The following SYT13 variants were observed in gnomAD, a reference collection of about 807,000 sequenced individuals.
The protein encoded by SYT13 is synaptotagmin 13.
A neutral mutation model predicts 38.6 loss-of-function variants in SYT13; 21 were observed. The observed-to-expected ratio is 0.54, with a 90% CI of 0.39 to 0.78. The LOEUF is 0.78. Ranked by LOEUF, SYT13 falls within the 30% of genes least tolerant of loss-of-function variation. The pLI is 0.00. For synonymous variants in SYT13, 241 were observed against 237.6 expected (o/e 1.01, Z -0.13); for missense variants, 495 against 548.7 (o/e 0.90, Z 0.98).
intron 1 of SYT13, among the ~76,000 whole-genome samples, chr11:45,281,195 C>CA (rs35172528): frequency 0.34 from 48,264 of 143,712 alleles, 7,818 homozygotes; most frequent in South Asian, 0.41. Flanking sequence ...GACTCTGTCT[C>CA]AAAAAAAAAA....
At chr11:45,246,286 T>A in intron 5 of SYT13, 97 bp downstream of exon 5, 3 of 1,530,736 alleles carry the variant, frequency 2.0e-6, no homozygotes, top group Non-Finnish European at 2.6e-6. Flanking sequence ...TCCACCTCCC[T>A]GCTTACCTGT....
intron 1 of SYT13, among the ~76,000 whole-genome samples, chr11:45,257,017 A>G (rs902270791): frequency 2.6e-5 from 4 of 152,186 alleles, no homozygotes; most frequent in African/African-American, 4.8e-5. Flanking sequence ...GCCATATTGA[A>G]TGGTTTGTGC....
At chr11:45,283,379 C>A (rs1005994846) in intron 1 of SYT13, among the ~76,000 whole-genome samples, 2 of 152,200 alleles carry the variant, frequency 1.3e-5, no homozygotes, top group African/African-American at 4.8e-5. Context: ...AGCCTCCATA[C>A]CTTCTTTCCT....
At chr11:45,280,209 G>A (rs1299179237) in intron 1 of SYT13, among the ~76,000 whole-genome samples, 2 of 152,200 alleles carry the variant, frequency 1.3e-5, no homozygotes, top group Non-Finnish European at 2.9e-5. Context: ...CGTTGCTCTA[G>A]AGGACTAAGG....
At position 45,255,650 on chromosome 11, in the gene SYT13, G is replaced by A. The variant is rs926721088; in HGVS notation, c.409+16C>T. ...GAGTGCTGCCCATGGAAGTGCAGGG[G>A]GCAGGAGACCCCTACCATTCTGAGG... On this transcript the variant is annotated intron_variant, in intron 2 of 5. Transcript: ENST00000020926. The A allele has an allele frequency of 6.2e-7, 1 of 1,610,832 alleles. No individual in the cohort carries two copies. Among genetic ancestry groups the A allele is most frequent in the East Asian group, 2.2e-5 (1 of 44,846 alleles).
chr11:45,278,899 C>T (rs1855040231), intron 1 of SYT13, among the ~76,000 whole-genome samples: 1 of 152,308 alleles, frequency 6.6e-6, no homozygotes, highest in African/African-American at 2.4e-5. Flanking sequence ...TTCCACGTTG[C>T]TAAGCAACCA....
At chr11:45,277,819 A>C (rs11038375) in intron 1 of SYT13, among the ~76,000 whole-genome samples, 12,124 of 152,154 alleles carry the variant, frequency 0.08, 1,259 homozygotes, top group African/African-American at 0.24. Context: ...TTACAAAGCA[A>C]CAGAACCTTC....
Position 45,278,228 on chromosome 11 carries a change from C to G in SYT13, c.183+7797G>C, listed in dbSNP as rs1358494405. Reference sequence around the variant, plus strand: ...CCTCCATCCTCAGAGCAGATTTTCCCTTTGTTTCTTAGCAAGAAATAAGCC... The same window carrying G: ...CCTCCATCCTCAGAGCAGATTTTCCGTTTGTTTCTTAGCAAGAAATAAGCC... On this transcript the variant is annotated intron_variant, in intron 1 of 5. Coordinates refer to ENST00000020926, the MANE Select transcript of SYT13 (RefSeq NM_020826.3). 2.0e-5 allele frequency among the ~76,000 whole-genome samples: 3 copies of G among 152,248 alleles called. No homozygotes were observed. In the South Asian group the frequency reaches 6.2e-4, roughly 32 times the overall value.
At chr11:45,273,239 C>T (rs1854971530) in intron 1 of SYT13, among the ~76,000 whole-genome samples, 1 of 152,190 alleles carries the variant, frequency 6.6e-6, no homozygotes, top group African/African-American at 2.4e-5. Context: ...TCACTGGAAA[C>T]AGGACAGGGT....
chr11:45,272,419 C>T (rs942216309), intron 1 of SYT13, among the ~76,000 whole-genome samples: 11 of 152,148 alleles, frequency 7.2e-5, no homozygotes, highest in African/African-American at 1.9e-4. Flanking sequence ...CATGTTTGGG[C>T]GACAAAGTGA....
chr11:45,270,441 A>G (rs1027828248), intron 1 of SYT13, among the ~76,000 whole-genome samples: 2 of 152,220 alleles, frequency 1.3e-5, no homozygotes, highest in Admixed American at 6.5e-5. Flanking sequence ...CAGAGAAGCT[A>G]TAGGATTACA....
At chr11:45,264,851 G>A (rs886819518) in intron 1 of SYT13, among the ~76,000 whole-genome samples, 10 of 152,216 alleles carry the variant, frequency 6.6e-5, no homozygotes, top group African/African-American at 2.2e-4. Flanking sequence ...CACTAGTGTG[G>A]ACAAGGATGT....
chr11:45,278,407 T>C (rs1427464896), intron 1 of SYT13, among the ~76,000 whole-genome samples: 1 of 152,156 alleles, frequency 6.6e-6, no homozygotes, highest in Non-Finnish European at 1.5e-5. Context: ...TGGTTGTGTC[T>C]TATTTTTTCT....
intron 1 of SYT13, among the ~76,000 whole-genome samples, chr11:45,283,087 T>G (rs1040355772): frequency 2.6e-5 from 4 of 152,138 alleles, no homozygotes; most frequent in Non-Finnish European, 4.4e-5. Context: ...AGTCAAGACT[T>G]CAGTGAGCCG....
intron 4 of SYT13, among the ~76,000 whole-genome samples, chr11:45,250,108 C>T (rs149285987): frequency 3.3e-5 from 5 of 152,252 alleles, no homozygotes; most frequent in African/African-American, 7.2e-5. Flanking sequence ...CTAGCTGGGG[C>T]GAGGGGCTGC....
chr11:45,242,800 C>A lies in SYT13; in HGVS notation c.*1252G>T, dbSNP rs932079525. 1 of 152,014 alleles carries A rather than the reference C, an allele frequency of 6.6e-6. No individual in the cohort carries two copies. Among genetic ancestry groups the A allele is most frequent in the Non-Finnish European group, 1.5e-5 (1 of 68,024 alleles). The allele number at this position is 152,014 out of a possible 1,614,324, so 9.4% of individuals were successfully genotyped here. ...GGAATCCTGGTTCAGGTGTAAGTAC[C>A]GTATCCACTCAGCAAGGCTCATAAT... On this transcript the variant is annotated 3_prime_UTR_variant, in exon 6 of 6. Transcript: ENST00000020926.
At position 45,252,705 on chromosome 11, in the gene SYT13, C is replaced by G; in HGVS notation, c.562G>C (p.Asp188His). ...TGGACGTAGCAGTCACAGCCTCCGT[C>G]GTGGTTGCTGGTCACAGCTGCAGGC... ...TRLEAVTSNH[D>H]GGCDCYVQGS... Residue 188 changes from aspartate (D) to histidine (H), a missense_variant, in exon 4 of 6, where the codon GAC becomes CAC. Coordinates refer to ENST00000020926, the MANE Select transcript of SYT13 (RefSeq NM_020826.3). The surrounding 1 kb of genome is among the most constrained non-coding windows in gnomAD (Gnocchi z 4.3). The G allele has an allele frequency of 6.3e-7, 1 of 1,578,838 alleles. No individual in the cohort carries two copies. Among genetic ancestry groups the G allele is most frequent in the Non-Finnish European group, 8.7e-7 (1 of 1,156,066 alleles).
rs117546443 is a variant in SYT13, at chr11:45,278,983, G to A, written c.183+7042C>T. ...CACCCAATGCCTGAAGTGTGATGGC[G>A]GCAGCAAAGCAATCGAAAGCATTGG... is the stretch of plus-strand genomic sequence containing the variant. On this transcript the variant is annotated intron_variant, in intron 1 of 5. Coordinates refer to ENST00000020926, the MANE Select transcript of SYT13 (RefSeq NM_020826.3). 4.5e-4 allele frequency among the ~76,000 whole-genome samples: 68 copies of A among 152,332 alleles called. 1 individual carries two copies. In the East Asian group the frequency reaches 0.013, roughly 28 times the overall value.
chr11:45,278,549 T>A (rs1855035796), intron 1 of SYT13, among the ~76,000 whole-genome samples: 1 of 152,048 alleles, frequency 6.6e-6, no homozygotes, highest in African/African-American at 2.4e-5. Context: ...TCTCTATCCC[T>A]CCTCCTGTGC....
Sources: allele counts gnomAD v4.1 joint callset (sites outside exome capture counted in the v4.1 genomes callset), GRCh38; gene constraint gnomAD v4.1.1; non-coding constraint Gnocchi (gnomAD v3.1); transcripts MANE v1.5; gene names NCBI Gene and HGNC (gene_info 2026-07-23, HGNC 2026-07-21).